The following NTNG1 variants were observed in gnomAD, a reference collection of about 807,000 sequenced individuals.
NTNG1 encodes netrin G1.
NTNG1 carries 16 observed loss-of-function variants against 54.0 expected under a neutral mutation model. The observed-to-expected ratio is 0.30, with a 90% confidence interval of 0.20 to 0.45. NTNG1 has a LOEUF of 0.45. Ranked by LOEUF, NTNG1 falls within the 20% of genes least tolerant of loss-of-function variation. The pLI is 1.00. For synonymous variants in NTNG1, 255 were observed against 263.1 expected, an observed-to-expected ratio of 0.97 and a Z score of 0.30; for missense variants, 530 against 678.7, an observed-to-expected ratio of 0.78 and a Z score of 2.43.
intron 3 of NTNG1, among the ~76,000 whole-genome samples, chr1:107,352,478 G>A (rs899161942): frequency 6.6e-6 from 1 of 152,212 alleles, no homozygotes; most frequent in African/African-American, 2.4e-5. Flanking sequence ...GGGACTCTGA[G>A]TGGAGGCTCC....
At chr1:107,278,452 T>A (rs1047282576) in intron 2 of NTNG1, among the ~76,000 whole-genome samples, 3 of 152,196 alleles carry the variant, frequency 2.0e-5, no homozygotes, top group Admixed American at 2.0e-4. Flanking sequence ...AAGCATGTAG[T>A]AGATCCAAAA....
intron 3 of NTNG1, among the ~76,000 whole-genome samples, chr1:107,387,683 C>T (rs966916220): frequency 6.6e-6 from 1 of 152,214 alleles, no homozygotes; most frequent in Non-Finnish European, 1.5e-5. Flanking sequence ...TTGGAATTGA[C>T]TCTTGGCTGC....
At chr1:107,251,053 G>T (rs1662572752) in intron 2 of NTNG1, among the ~76,000 whole-genome samples, 1 of 152,178 alleles carries the variant, frequency 6.6e-6, no homozygotes, top group Non-Finnish European at 1.5e-5. Context: ...AATGTTGAAA[G>T]AATACATTTA....
In NTNG1 at chr1:107,324,866, TG is replaced by T; in HGVS notation, c.832del (p.Glu278SerfsTer14). 1 of 1,613,066 alleles carries T rather than the reference TG, an allele frequency of 6.2e-7. No individual in the cohort carries two copies. The highest frequency in any genetic ancestry group is 8.5e-7 in the Non-Finnish European group (1 of 1,179,272). On this transcript the variant is annotated frameshift_variant, in exon 3 of 8. Coordinates refer to ENST00000370068, the MANE Select transcript of NTNG1 (RefSeq NM_001113226.3). LOFTEE classifies it high-confidence loss of function. ...RPAVGEIFVDELHLARYFYAI... is the reference protein window; with the variant it reads ...RPAVGEIFVDXLHLARYFYAI... ...CAGCCGTTGGGGAAATATTTGTAGA[TG>T]AGCTACACTTGGCACGCTACTTTTA...
chr1:107,405,562 C>G (rs1673360996), intron 4 of NTNG1, among the ~76,000 whole-genome samples: 1 of 152,104 alleles, frequency 6.6e-6, no homozygotes, highest in African/African-American at 2.4e-5. Context: ...TGCATCTTTC[C>G]AAAGTATTCA....
chr1:107,383,011 T>C (rs1461084441), intron 3 of NTNG1, among the ~76,000 whole-genome samples: 1 of 152,244 alleles, frequency 6.6e-6, no homozygotes, highest in Non-Finnish European at 1.5e-5. Flanking sequence ...TCGAATTTTG[T>C]AGTAAAAACT....
intron 6 of NTNG1, among the ~76,000 whole-genome samples, chr1:107,436,204 AC>A (rs1280052047): frequency 6.6e-6 from 1 of 152,220 alleles, no homozygotes; most frequent in Non-Finnish European, 1.5e-5. Flanking sequence ...AAGTAAAACT[AC>A]CTTTGAATGA....
chr1:107,357,973 G>A (rs1670039785), intron 3 of NTNG1, among the ~76,000 whole-genome samples: 1 of 152,180 alleles, frequency 6.6e-6, no homozygotes, highest in Non-Finnish European at 1.5e-5. Flanking sequence ...ACTCTTCTAT[G>A]TAAGTCAAAT....
rs113220877 is a variant in NTNG1 at position 107,459,822 on chromosome 1, GC to G, written c.1391-20788del. On this transcript the variant is annotated intron_variant, in intron 7 of 7. Coordinates refer to ENST00000370068, the MANE Select transcript of NTNG1 (RefSeq NM_001113226.3). ...TGTTTTAACACAAGCATTCATAGCA[GC>G]ATTTTAAGATGGAGCCAGCCGGGTA... is the stretch of plus-strand genomic sequence containing the variant. Among the ~76,000 whole-genome samples the G allele has an allele frequency of 5.0e-3, 755 of 152,254 alleles. 11 individuals are homozygous for G. The highest frequency in any genetic ancestry group is 0.016 in the African/African-American group (681 of 41,516).
chr1:107,383,926 A>G (rs1671793077), intron 3 of NTNG1, among the ~76,000 whole-genome samples: 1 of 152,214 alleles, frequency 6.6e-6, no homozygotes, highest in Non-Finnish European at 1.5e-5. Context: ...TTAATTGCTT[A>G]TTGGCCTTGG....
intron 2 of NTNG1, among the ~76,000 whole-genome samples, chr1:107,213,182 T>C (rs1659705687): frequency 6.6e-6 from 1 of 152,068 alleles, no homozygotes; most frequent in African/African-American, 2.4e-5. Context: ...TGTTAATGTT[T>C]AGTGGGCCCA....
In NTNG1 at chr1:107,464,861, G is replaced by T. The variant is rs191532636; in HGVS notation, c.1391-15750G>T. Among the ~76,000 whole-genome samples, 11 of 152,300 alleles carry T rather than the reference G, an allele frequency of 7.2e-5. No homozygotes were observed. In the East Asian group the frequency reaches 2.1e-3, roughly 29 times the overall value. On this transcript the variant is annotated intron_variant, in intron 7 of 7. Coordinates refer to ENST00000370068, the MANE Select transcript of NTNG1 (RefSeq NM_001113226.3). Reference sequence around the variant, plus strand: ...AGTTTAATACTTTGAAGGTTTTAAAGTTTAAATGTGATTCCTACCCCTAAA... The same window carrying T: ...AGTTTAATACTTTGAAGGTTTTAAATTTTAAATGTGATTCCTACCCCTAAA...
chr1:107,198,325 T>A (rs1570823970), intron 2 of NTNG1, among the ~76,000 whole-genome samples: 1 of 151,996 alleles, frequency 6.6e-6, no homozygotes, highest in Admixed American at 6.6e-5. Flanking sequence ...CAAACAAGAT[T>A]ACTATTGAGA....
chr1:107,371,102 T>C (rs1276482234), intron 3 of NTNG1, among the ~76,000 whole-genome samples: 1 of 152,118 alleles, frequency 6.6e-6, no homozygotes, highest in Non-Finnish European at 1.5e-5. Flanking sequence ...ATGTTAAATA[T>C]AGGTGTTCGT....
At chr1:107,428,849 T>G (rs1444959917) in intron 5 of NTNG1, among the ~76,000 whole-genome samples, 4 of 152,138 alleles carry the variant, frequency 2.6e-5, no homozygotes, top group Non-Finnish European at 5.9e-5. Context: ...GAAATGCTTG[T>G]TGTTTTACAA....
intron 2 of NTNG1, among the ~76,000 whole-genome samples, chr1:107,297,123 A>ACATATATATATATAACAT (rs1483060455): frequency 2.1e-5 from 3 of 145,402 alleles, no homozygotes; most frequent in South Asian, 2.1e-4. Context: ...ACAAACACAC[A>ACATATATATATATAACAT]CATATATATA....
At chr1:107,177,887 G>T (rs1232696995) in intron 2 of NTNG1, among the ~76,000 whole-genome samples, 1 of 152,024 alleles carries the variant, frequency 6.6e-6, no homozygotes. Context: ...TCAACTTTCA[G>T]GACCACATTG....
At chr1:107,381,935 A>G (rs1354367794) in intron 3 of NTNG1, among the ~76,000 whole-genome samples, 1 of 152,168 alleles carries the variant, frequency 6.6e-6, no homozygotes, top group Non-Finnish European at 1.5e-5. Context: ...TATTGTAATT[A>G]AAAGGACTTG....
intron 2 of NTNG1, among the ~76,000 whole-genome samples, chr1:107,193,127 C>T (rs1352031690): frequency 6.6e-6 from 1 of 152,026 alleles, no homozygotes; most frequent in Non-Finnish European, 1.5e-5. Flanking sequence ...CTCTCATTGT[C>T]TTCTCTCCTG....
Sources: gnomAD v4.1 joint callset for allele counts (sites outside exome capture counted in the v4.1 genomes callset) on GRCh38, gnomAD v4.1.1 for gene constraint, MANE v1.5 for transcripts, NCBI Gene and HGNC (gene_info 2026-07-23, HGNC 2026-07-21) for gene names.